Variants in MTO1 observed in about 807,000 individuals in gnomAD.
MTO1 encodes the protein mitochondrial tRNA translation optimization 1.
A neutral mutation model predicts 71.6 loss-of-function variants in MTO1; 46 were observed. The ratio of observed to expected loss-of-function variants is 0.64; its 90% confidence interval spans 0.51 to 0.82. The LOEUF is 0.82. Ranked by LOEUF, MTO1 falls within the 40% of genes least tolerant of loss-of-function variation. The probability of loss-of-function intolerance (pLI) is 0.00; values close to 1 mark genes in which losing one functional copy is unlikely to be tolerated. For synonymous variants in MTO1, 297 were observed against 312.1 expected, an observed-to-expected ratio of 0.95 and a Z score of 0.51; for missense variants, 773 against 867.5, an observed-to-expected ratio of 0.89 and a Z score of 1.37.
intron 10 of MTO1, among the ~76,000 whole-genome samples, chr6:73,497,473 T>G (rs1176455172): frequency 6.6e-6 from 1 of 151,940 alleles, no homozygotes; most frequent in African/African-American, 2.4e-5. Context: ...TTTTTTACTT[T>G]TAATTTTCCA....
chr6:73,466,138 G>A (rs2150027120), intron 1 of MTO1, 71 bp from the exon 2 acceptor site: 3 of 1,291,046 alleles, frequency 2.3e-6, no homozygotes, highest in Middle Eastern at 1.9e-4. Flanking sequence ...CTGTATAAAT[G>A]TTTCCTTATT....
intron 9 of MTO1, among the ~76,000 whole-genome samples, chr6:73,483,784 A>ATTTT (rs35787647): frequency 9.6e-6 from 1 of 104,094 alleles, no homozygotes; most frequent in Non-Finnish European, 1.9e-5. Flanking sequence ...ACACCTGGCT[A>ATTTT]TTTTTTTTTT....
chr6:73,496,977 C>T (rs1409034736), intron 10 of MTO1, among the ~76,000 whole-genome samples: 2 of 151,096 alleles, frequency 1.3e-5, no homozygotes, highest in Non-Finnish European at 2.9e-5. Context: ...TTGCTTGAAC[C>T]TGGGACGTGG....
chr6:73,496,003 C>A (rs1161011720), intron 10 of MTO1, among the ~76,000 whole-genome samples: 1 of 152,168 alleles, frequency 6.6e-6, no homozygotes, highest in African/African-American at 2.4e-5. Context: ...TGGAACCTAC[C>A]TTGTCTGATT....
At chr6:73,490,465 G>C (rs1004926674) in intron 9 of MTO1, among the ~76,000 whole-genome samples, 1 of 148,858 alleles carries the variant, frequency 6.7e-6, no homozygotes, top group African/African-American at 2.6e-5. Context: ...ATTAATTTTT[G>C]TATAAGGTGT....
chr6:73,477,058 A>AT (rs1027074525), intron 4 of MTO1, among the ~76,000 whole-genome samples: 5 of 151,390 alleles, frequency 3.3e-5, no homozygotes, highest in Admixed American at 3.3e-4. Flanking sequence ...AAGTGTTAGG[A>AT]TTACAGGCAT....
At chr6:73,490,307 G>C (rs758627303) in intron 9 of MTO1, among the ~76,000 whole-genome samples, 1 of 152,140 alleles carries the variant, frequency 6.6e-6, no homozygotes, top group Non-Finnish European at 1.5e-5. Context: ...GATCCCATTT[G>C]TCAATTTTGG....
intron 10 of MTO1, among the ~76,000 whole-genome samples, chr6:73,496,591 A>G (rs1003488178): frequency 4.0e-5 from 6 of 150,706 alleles, no homozygotes; most frequent in Non-Finnish European, 7.4e-5. Flanking sequence ...CCATTAACTC[A>G]TCATTTAGCA....
chr6:73,497,996 T>C, intron 11 of MTO1, 100 bp downstream of exon 11: 1 of 1,057,216 alleles, frequency 9.5e-7, no homozygotes, highest in South Asian at 1.9e-5. Flanking sequence ...ACTAATGTTT[T>C]ATTTAGTAAT....
At chr6:73,476,890 C>G (rs1771339629) in intron 4 of MTO1, among the ~76,000 whole-genome samples, 1 of 151,322 alleles carries the variant, frequency 6.6e-6, no homozygotes, top group Admixed American at 6.6e-5. Flanking sequence ...TGAGTTCAGT[C>G]AGTTCTCATG....
intron 4 of MTO1, among the ~76,000 whole-genome samples, chr6:73,475,346 G>C (rs1329781563): frequency 6.6e-6 from 1 of 151,106 alleles, no homozygotes; most frequent in African/African-American, 2.4e-5. Context: ...GCAATGGCAC[G>C]ATCTCAGCTC....
chr6:73,462,831 C>T (rs1770867329), intron 1 of MTO1, among the ~76,000 whole-genome samples: 2 of 152,078 alleles, frequency 1.3e-5, no homozygotes, highest in African/African-American at 4.8e-5. Context: ...CCATGTTGCC[C>T]AGGCTGGAGT....
At position 73,479,792 on chromosome 6, in the gene MTO1, C is replaced by T. The variant is rs773180218; in HGVS notation, c.886C>T (p.Leu296Phe). ...HTNPRVDEIV[L>F]KNLHLNSHVK... ...CAACCCTAGAGTGGATGAGATTGTC[C>T]TTAAGAACCTTCACCTTAATAGTCA... Residue 296 changes from leucine (L) to phenylalanine (F), a missense_variant, in exon 5 of 12, where the codon CTT becomes TTT. Physicochemically the swap from Leu to Phe is conservative, Grantham distance 22 (BLOSUM62 0). Coordinates refer to ENST00000498286, the MANE Select transcript of MTO1 (RefSeq NM_012123.4). The T allele has an allele frequency of 2.0e-5, 32 of 1,613,796 alleles. No homozygotes were observed. The East Asian group carries it at 7.1e-4, about 36-fold the overall frequency.
Position 73,466,303 on chromosome 6 carries a change from T to C in MTO1, c.312T>C (p.Cys104=), listed in dbSNP as rs1770986427. The change falls in exon 2 of 12, where the codon TGT becomes TGC. Residue 104 remains cysteine (C), a synonymous_variant. Coordinates refer to ENST00000498286, the MANE Select transcript of MTO1 (RefSeq NM_012123.4). The part of the protein sequence containing the change: ...DALDGLCSRI[C]DQSGVHYKVL... ...TGGATGGCCTGTGTTCTCGCATCTG[T>C]GACCAGTCTGGTGTACATTATAAAG... 6.2e-7 allele frequency: 1 copy of C among 1,614,028 alleles called. No homozygotes were observed. The highest frequency in any genetic ancestry group is 1.7e-5 in the Admixed American group (1 of 59,976).
chr6:73,490,795 A>C (rs1771781984), intron 9 of MTO1, among the ~76,000 whole-genome samples: 1 of 152,016 alleles, frequency 6.6e-6, no homozygotes, highest in South Asian at 2.1e-4. Context: ...AAATGAAGTA[A>C]GTAATAATTA....
intron 10 of MTO1, 121 bp downstream of exon 10, chr6:73,492,473 G>C: frequency 1.5e-6 from 1 of 662,316 alleles, no homozygotes; most frequent in Non-Finnish European, 2.6e-6. Flanking sequence ...CAAAAGTGTG[G>C]TCCTCAGCTA....
rs1772188371 is a variant in MTO1, at chr6:73,502,554, A to G, written c.*1819A>G. ...TTTCTGATTAAATACAAGAGTAAAA[A>G]AAGTGAATGGAGTGCCTTTTGAATA... On this transcript the variant is annotated 3_prime_UTR_variant, in exon 12 of 12. Transcript: ENST00000498286. The G allele has an allele frequency of 6.6e-6, 1 of 152,206 alleles. No individual in the cohort carries two copies. Among genetic ancestry groups the G allele is most frequent in the South Asian group, 2.1e-4 (1 of 4,830 alleles). 9.4% of individuals were successfully genotyped at this position (152,206 alleles called of 1,614,324 possible).
intron 10 of MTO1, among the ~76,000 whole-genome samples, chr6:73,495,565 A>G (rs1380003350): frequency 6.6e-6 from 1 of 152,088 alleles, no homozygotes; most frequent in Non-Finnish European, 1.5e-5. Flanking sequence ...CATGGCTTAA[A>G]AAAAAAAACT....
At chr6:73,485,986 T>G (rs148390630) in intron 9 of MTO1, among the ~76,000 whole-genome samples, 4 of 152,264 alleles carry the variant, frequency 2.6e-5, no homozygotes, top group Non-Finnish European at 4.4e-5. Flanking sequence ...CAGAGAAATG[T>G]ATTGATGTGT....
Sources: gnomAD v4.1 joint callset for allele counts (sites outside exome capture counted in the v4.1 genomes callset) on GRCh38, gnomAD v4.1.1 for gene constraint, MANE v1.5 for transcripts, NCBI Gene and HGNC (gene_info 2026-07-23, HGNC 2026-07-21) for gene names.